The following ZNF362 variants were observed in gnomAD, a reference collection of about 807,000 sequenced individuals.
ZNF362 encodes zinc finger protein 362, also known as rotund homolog.
ZNF362 carries 11 observed loss-of-function variants against 42.9 expected under a neutral mutation model. The observed-to-expected ratio is 0.26, with a 90% CI of 0.16 to 0.42. The LOEUF is 0.42. Among genes scored for constraint, ZNF362 ranks in the 20% least tolerant of loss-of-function variants. The pLI is 1.00. For synonymous variants in ZNF362, 255 were observed against 257.3 expected (o/e 0.99, Z 0.09); for missense variants, 362 against 576.2 (o/e 0.63, Z 3.81).
the ZNF362 span, among the ~76,000 whole-genome samples, chr1:33,247,098 C>T: frequency 4.7e-4 from 71 of 152,226 alleles, no homozygotes; most frequent in Middle Eastern, 6.3e-3. Flanking sequence ...GCAGAGGTCT[C>T]AGGACCTCCG....
the ZNF362 span, among the ~76,000 whole-genome samples, chr1:33,239,131 A>G: frequency 6.6e-6 from 1 of 152,238 alleles, no homozygotes; most frequent in Non-Finnish European, 1.5e-5. Flanking sequence ...TGGCACTATT[A>G]TCAAATACCA....
At chr1:33,154,684 G>T in the ZNF362 span, among the ~76,000 whole-genome samples, 10 of 151,654 alleles carry the variant, frequency 6.6e-5, no homozygotes, top group Admixed American at 1.3e-4. Context: ...TGTAATCCCA[G>T]CTACTTGGGA....
chr1:33,154,833 C>T, the ZNF362 span, among the ~76,000 whole-genome samples: 1 of 149,942 alleles, frequency 6.7e-6, no homozygotes, highest in Non-Finnish European at 1.5e-5. Context: ...GTGATTCACG[C>T]CTGTAATCCC....
Position 33,299,055 on chromosome 1 carries a change from G to T in ZNF362, c.*9G>T. 6.2e-7 allele frequency: 1 copy of T among 1,602,696 alleles called. No homozygotes were observed. The highest frequency in any genetic ancestry group is 8.5e-7 in the Non-Finnish European group (1 of 1,177,684). On this transcript the variant is annotated 3_prime_UTR_variant, in exon 9 of 9. Coordinates refer to ENST00000539719, the MANE Select transcript of ZNF362 (RefSeq NM_152493.3). ...GAATCTCTCTCATCTGAGCCCACTG[G>T]AGGCGCCGCCCCACCCGGCCCACTG...
the ZNF362 span, among the ~76,000 whole-genome samples, chr1:33,162,071 A>G: frequency 1.3e-5 from 2 of 151,978 alleles, no homozygotes; most frequent in Non-Finnish European, 2.9e-5. Flanking sequence ...GGTCTTTCCA[A>G]CTCACTTGGT....
At chr1:33,252,871 A>G (rs886191334), upstream of ZNF362, among the ~76,000 whole-genome samples, 7 of 152,286 alleles carry the variant, frequency 4.6e-5, no homozygotes, top group Admixed American at 2.0e-4. Context: ...TGGAGCTGCC[A>G]TGGAGGGCCT....
chr1:33,280,073 C>G lies in ZNF362; in HGVS notation c.350-51C>G. The G allele has an allele frequency of 1.3e-6, 2 of 1,509,884 alleles. No homozygotes were observed. The highest frequency in any genetic ancestry group is 1.8e-6 in the Non-Finnish European group (2 of 1,128,382). 93.5% of individuals were successfully genotyped at this position (1,509,884 alleles called of 1,614,324 possible). A position where few individuals can be genotyped will look rare whatever the true frequency, so the allele number is the denominator to read the frequency against. ...TCACATAGCTGGGTGGGCAGCTGAG[C>G]TGGCCTCTGCAGCTCCGCTCACCCC... On this transcript the variant is annotated intron_variant, in intron 4 of 8. Transcript: ENST00000539719. This position sits in a 1 kb window ranked among gnomAD's most constrained non-coding sequence, Gnocchi z 5.6.
the ZNF362 span, among the ~76,000 whole-genome samples, chr1:33,194,366 T>A: frequency 6.6e-6 from 1 of 151,788 alleles, no homozygotes; most frequent in African/African-American, 2.4e-5. Context: ...CAAAACCCCA[T>A]CTCTACTAAA....
At chr1:33,145,487 C>T in the ZNF362 span, 1 of 160,992 alleles carries the variant, frequency 6.2e-6, no homozygotes, top group Admixed American at 6.0e-5. Flanking sequence ...CTGGGGTGGC[C>T]CAGATTCTGG....
chr1:33,220,789 T>C, the ZNF362 span, among the ~76,000 whole-genome samples: 1 of 152,186 alleles, frequency 6.6e-6, no homozygotes, highest in Non-Finnish European at 1.5e-5. Context: ...TTTGGAGCTA[T>C]AATCTGGGTG....
the ZNF362 span, among the ~76,000 whole-genome samples, chr1:33,157,765 CT>C: frequency 6.6e-6 from 1 of 150,792 alleles, no homozygotes; most frequent in Non-Finnish European, 1.5e-5. Context: ...TTTTTTCTTC[CT>C]TTTTTTCCGA....
chr1:33,251,343 G>A, the ZNF362 span, among the ~76,000 whole-genome samples: 2 of 152,142 alleles, frequency 1.3e-5, no homozygotes, highest in African/African-American at 2.4e-5. Flanking sequence ...TCCTGGTAGG[G>A]CTGATTCCTT....
chr1:33,253,871 G>T (rs1414450358), upstream of ZNF362, among the ~76,000 whole-genome samples: 1 of 152,002 alleles, frequency 6.6e-6, no homozygotes, highest in Non-Finnish European at 1.5e-5. Flanking sequence ...ATTAATTAAA[G>T]GTATTAATTT....
the ZNF362 span, chr1:33,146,625 C>T: frequency 6.1e-6 from 1 of 164,160 alleles, no homozygotes; most frequent in African/African-American, 2.4e-5. Context: ...GAAGTAGGAA[C>T]CATATAGTTC....
chr1:33,149,409 CT>C, the ZNF362 span, among the ~76,000 whole-genome samples: 1 of 151,732 alleles, frequency 6.6e-6, no homozygotes, highest in Non-Finnish European at 1.5e-5. Flanking sequence ...CCACCTCGGC[CT>C]CCCAAAGTTC....
At chr1:33,198,998 A>G in the ZNF362 span, among the ~76,000 whole-genome samples, 1 of 152,212 alleles carries the variant, frequency 6.6e-6, no homozygotes, top group African/African-American at 2.4e-5. Context: ...CACAGAAAGA[A>G]AAAAGACAAA....
At chr1:33,207,435 G>A in the ZNF362 span, among the ~76,000 whole-genome samples, 1 of 152,270 alleles carries the variant, frequency 6.6e-6, no homozygotes, top group South Asian at 2.1e-4. Context: ...CTTTATAGCA[G>A]CATGATTTAT....
the ZNF362 span, among the ~76,000 whole-genome samples, chr1:33,151,482 G>A: frequency 6.6e-6 from 1 of 152,136 alleles, no homozygotes; most frequent in Non-Finnish European, 1.5e-5. Flanking sequence ...GCTAACAGGA[G>A]TAACAACCTT....
chr1:33,147,413 T>C, the ZNF362 span: 1 of 1,614,114 alleles, frequency 6.2e-7, no homozygotes, highest in Non-Finnish European at 8.5e-7. This position sits in a 1 kb window ranked among gnomAD's most constrained non-coding sequence, Gnocchi z 8.1. Flanking sequence ...GTGCAGGCGC[T>C]GTACTGGTTG....
Sources: allele counts gnomAD v4.1 joint callset (sites outside exome capture counted in the v4.1 genomes callset), GRCh38; gene constraint gnomAD v4.1.1; non-coding constraint Gnocchi (gnomAD v3.1); transcripts MANE v1.5; gene names NCBI Gene and HGNC (gene_info 2026-07-23, HGNC 2026-07-21).